AP3B1: variants seen among roughly 807,000 people sequenced by gnomAD.
The protein encoded by AP3B1 is AP-3 complex subunit beta-1.
In AP3B1, 61 loss-of-function variants were observed where a neutral mutation model predicts 132.5. The ratio of observed to expected loss-of-function variants is 0.46; its 90% CI spans 0.37 to 0.57. The LOEUF is 0.57. Ranked by LOEUF, AP3B1 falls within the 20% of genes least tolerant of loss-of-function variation. AP3B1 has a pLI of 0.00. For synonymous variants in AP3B1, 388 were observed against 438.3 expected (o/e 0.89, Z 1.43); for missense variants, 1,120 against 1,289.4 (o/e 0.87, Z 2.01).
rs1366355320 is a variant in AP3B1 at position 78,227,529 on chromosome 5, G to C, written c.379C>G (p.Pro127Ala). ...GCGCTTGCACGAATTAGTTGGTTTG[G>C]GTCCTAAAAATAGTGCAAAAATATT... is the stretch of plus-strand genomic sequence containing the variant. The part of the protein sequence containing the change: ...ISTFQRALKD[P>A]NQLIRASALR... Residue 127 changes from proline (P) to alanine (A), a missense_variant, in exon 5 of 27, where the codon CCA becomes GCA. Pro to Ala is a conservative substitution (Grantham distance 27). Around this residue, in one of 3 missense-constraint regions of AP3B1, gnomAD observed 129 missense variants for 212.4 expected, o/e 0.61. Transcript: ENST00000255194. 1 of 1,613,198 alleles carries C rather than the reference G, an allele frequency of 6.2e-7. No homozygotes were observed. The highest frequency in any genetic ancestry group is 8.5e-7 in the Non-Finnish European group (1 of 1,179,648).
chr5:78,156,208 T>C (rs1743141463), intron 14 of AP3B1, 50 bp downstream of exon 14: 3 of 1,359,428 alleles, frequency 2.2e-6, no homozygotes, highest in Admixed American at 1.7e-5. Flanking sequence ...TTTAACAAAA[T>C]TACAACTTAC....
chr5:78,279,441 A>T (rs899872898), intron 1 of AP3B1, among the ~76,000 whole-genome samples: 3 of 152,208 alleles, frequency 2.0e-5, no homozygotes, highest in African/African-American at 7.2e-5. Flanking sequence ...AGGTAACATA[A>T]GATTACATAG....
intron 14 of AP3B1, 109 bp downstream of exon 14, chr5:78,156,149 C>T (rs1188557750): frequency 1.3e-6 from 1 of 774,698 alleles, no homozygotes; most frequent in Non-Finnish European, 2.2e-6. Flanking sequence ...GAATTGGAAT[C>T]CAGACACTTC....
At chr5:78,040,572 A>T (rs1439909598) in intron 22 of AP3B1, among the ~76,000 whole-genome samples, 1 of 152,208 alleles carries the variant, frequency 6.6e-6, no homozygotes, top group Non-Finnish European at 1.5e-5. Flanking sequence ...TAGGCAGCAT[A>T]TTAAATAATG....
intron 11 of AP3B1, among the ~76,000 whole-genome samples, chr5:78,170,949 T>C (rs1398497686): frequency 6.6e-6 from 1 of 152,230 alleles, no homozygotes; most frequent in Non-Finnish European, 1.5e-5. Flanking sequence ...GCTTTTTATA[T>C]ATGGCTAGCC....
At chr5:78,223,024 TTTC>T (rs2112487405) in intron 6 of AP3B1, among the ~76,000 whole-genome samples, 1 of 131,724 alleles carries the variant, frequency 7.6e-6, no homozygotes, top group African/African-American at 3.0e-5. Flanking sequence ...TGTTTGTTTG[TTTC>T]TTTTTTTTTT....
At chr5:78,045,175 G>A (rs532866877) in intron 22 of AP3B1, among the ~76,000 whole-genome samples, 2 of 152,258 alleles carry the variant, frequency 1.3e-5, no homozygotes, top group Admixed American at 1.3e-4. Flanking sequence ...GAGGTCAGGA[G>A]TCTGAGGCCA....
chr5:78,131,635 AT>A (rs141970838), intron 15 of AP3B1, among the ~76,000 whole-genome samples: 4,656 of 152,192 alleles, frequency 0.031, 136 homozygotes, highest in East Asian at 0.14. Context: ...ATTTCATTTC[AT>A]TCTACACAAT....
At chr5:78,078,316 C>T (rs750828795) in intron 22 of AP3B1, among the ~76,000 whole-genome samples, 4 of 152,252 alleles carry the variant, frequency 2.6e-5, no homozygotes, top group Middle Eastern at 6.8e-3. Flanking sequence ...TTACCAAATT[C>T]TTCCTTTGTT....
At chr5:78,279,448 A>G (rs1435696149) in intron 1 of AP3B1, among the ~76,000 whole-genome samples, 1 of 152,208 alleles carries the variant, frequency 6.6e-6, no homozygotes, top group Non-Finnish European at 1.5e-5. Context: ...ATAAGATTAC[A>G]TAGCATGTGA....
chr5:78,120,739 T>C (rs1278617567), intron 17 of AP3B1, among the ~76,000 whole-genome samples: 16 of 152,110 alleles, frequency 1.1e-4, no homozygotes, highest in Non-Finnish European at 2.1e-4. Context: ...CACACATTAA[T>C]AATGGGAGAC....
At chr5:78,042,248 A>AT (rs149771716) in intron 22 of AP3B1, 6,440 of 146,454 alleles carry the variant, frequency 0.044, 455 homozygotes, top group African/African-American at 0.15. Flanking sequence ...AATTTTATTT[A>AT]TTTTTTTTTT....
rs146295650 is a variant in AP3B1, at chr5:78,162,835, C to T, written c.1347G>A (p.Leu449=). The T allele has an allele frequency of 1.2e-5, 19 of 1,613,944 alleles. 1 individual carries two copies. The African/African-American group carries it at 2.4e-4, about 20-fold the overall frequency. The change falls in exon 13 of 27, where the codon CTG becomes CTA. Residue 449 remains leucine, a synonymous_variant. Coordinates refer to ENST00000255194, the MANE Select transcript of AP3B1 (RefSeq NM_003664.5). The stretch of plus-strand genomic sequence containing the variant: ...TAAACTTACCATCCCTGTTGGACAG[C>T]AGACAGACCAAGCCATTGAGGCACG... ...TDTCLNGLVC[L]LSNRDEIVVA...
chr5:78,273,426 A>C (rs1427372033), intron 1 of AP3B1, among the ~76,000 whole-genome samples: 4 of 152,174 alleles, frequency 2.6e-5, no homozygotes, highest in South Asian at 2.1e-4. Context: ...AGAGCTCCTC[A>C]TTCACACCAG....
chr5:78,017,588 G>C (rs1746911409), intron 25 of AP3B1, among the ~76,000 whole-genome samples: 1 of 151,938 alleles, frequency 6.6e-6, no homozygotes, highest in African/African-American at 2.4e-5. Context: ...TTGCTAGCTA[G>C]GAACTCATAA....
intron 22 of AP3B1, among the ~76,000 whole-genome samples, chr5:78,049,011 T>C (rs1210256007): frequency 6.6e-6 from 1 of 152,254 alleles, no homozygotes; most frequent in Non-Finnish European, 1.5e-5. Flanking sequence ...CATATGTATC[T>C]GCCATATCTG....
At chr5:78,172,769 T>A (rs560759640) in intron 11 of AP3B1, among the ~76,000 whole-genome samples, 5 of 150,692 alleles carry the variant, frequency 3.3e-5, no homozygotes, top group South Asian at 2.1e-4. Context: ...TGAAGGGTAT[T>A]TCGTTATCTT....
intron 15 of AP3B1, among the ~76,000 whole-genome samples, chr5:78,134,450 T>G (rs913121489): frequency 7.2e-5 from 11 of 152,212 alleles, no homozygotes; most frequent in African/African-American, 2.7e-4. Context: ...ACAAATATGT[T>G]TGGTAAATGA....
chr5:78,294,633 G>A lies in AP3B1; in HGVS notation c.-54C>T, dbSNP rs1749678444. 2 of 1,612,004 alleles carry A rather than the reference G, an allele frequency of 1.2e-6. No homozygotes were observed. Among genetic ancestry groups the A allele is most frequent in the Non-Finnish European group, 1.7e-6 (2 of 1,179,842 alleles). On this transcript the variant is annotated 5_prime_UTR_variant, in exon 1 of 27. Transcript: ENST00000255194. Reference sequence around the variant, plus strand: ...GTCCTGCCGGGGGTTCTCTCCAAAAGGTTCCAGTCCAGAGGGCACGGAACA... The same window carrying A: ...GTCCTGCCGGGGGTTCTCTCCAAAAAGTTCCAGTCCAGAGGGCACGGAACA...
Sources: gnomAD v4.1 joint callset for allele counts (sites outside exome capture counted in the v4.1 genomes callset) on GRCh38, gnomAD v4.1.1 for gene constraint, gnomAD v4.1.1 regional missense constraint, MANE v1.5 for transcripts, NCBI Gene and HGNC (gene_info 2026-07-23, HGNC 2026-07-21) for gene names.